The following IPO4 variants were observed in gnomAD, a reference collection of about 807,000 sequenced individuals.
The protein encoded by IPO4 is importin 4.
Under a neutral mutation model 133.5 loss-of-function variants are expected in IPO4, and 91 were observed. The ratio of observed to expected loss-of-function variants is 0.68; its 90% CI spans 0.58 to 0.81. IPO4 has a LOEUF of 0.81. Among genes scored for constraint, IPO4 ranks in the 30% least tolerant of loss-of-function variants. IPO4 has a pLI of 0.00. For missense variants in IPO4, 1,279 were observed against 1,386.2 expected, an observed-to-expected ratio of 0.92 and a Z score of 1.23; for synonymous variants, 607 against 581.6, an observed-to-expected ratio of 1.04 and a Z score of -0.63.
At chr14:24,183,410 C>T (rs1371898063) in intron 21 of IPO4, 46 bp downstream of exon 21, 1 of 1,594,566 alleles carries the variant, frequency 6.3e-7, no homozygotes, top group Non-Finnish European at 8.6e-7. Flanking sequence ...GAACACAGGG[C>T]CCCCAGCCTG....
Position 24,181,563 on chromosome 14 carries a change from C to T in IPO4, c.2995G>A (p.Val999Ile), listed in dbSNP as rs1210737863. 6.2e-7 allele frequency: 1 copy of T among 1,607,054 alleles called. No individual in the cohort carries two copies. The highest frequency in any genetic ancestry group is 8.5e-7 in the Non-Finnish European group (1 of 1,176,800). Residue 999 changes from valine to isoleucine, a missense_variant, in exon 28 of 30, where the codon GTC becomes ATC. Around this residue, in one of 3 missense-constraint regions of IPO4, gnomAD observed 575 missense variants for 653.4 expected, o/e 0.88. Coordinates refer to ENST00000354464, the MANE Select transcript of IPO4 (RefSeq NM_024658.4). ...LPLKEDLEEW[V>I]TIGRLFSFLY... ...AAGCTGAAGAGGCGCCCAATGGTGA[C>T]CCACTCCTCCAAGTCCTCCTTCAGT... is the stretch of plus-strand genomic sequence containing the variant.
intron 12 of IPO4, 120 bp downstream of exon 12, chr14:24,185,741 G>A (rs2039210714): frequency 3.1e-6 from 3 of 960,526 alleles, no homozygotes; most frequent in Admixed American, 2.0e-5. Context: ...TCCAAGCCAG[G>A]ACACTTTTGA....
At chr14:24,188,128 C>G in intron 4 of IPO4, 88 bp downstream of exon 4, 1 of 1,361,084 alleles carries the variant, frequency 7.3e-7, no homozygotes, top group Non-Finnish European at 1.0e-6. Flanking sequence ...GAAGTCCCTG[C>G]CCCACAAGTC....
chr14:24,186,084 G>A (rs2039218200), intron 11 of IPO4, 45 bp downstream of exon 11: 7 of 1,609,304 alleles, frequency 4.3e-6, no homozygotes, highest in Non-Finnish European at 6.0e-6. Context: ...GGGGGACTAG[G>A]CACACTTGGA....
In IPO4 at chr14:24,188,715, G is replaced by T. The variant is rs1185859810; in HGVS notation, c.69+4C>A. ...GCCCTGGCCCGGTTACGCCTGCTCC[G>T]TACCCGACGGATGCGCTCGGTGTCC... On this transcript the variant is annotated splice_donor_region_variant and intron_variant, in intron 1 of 29. Transcript: ENST00000354464. 6.3e-7 allele frequency: 1 copy of T among 1,576,390 alleles called. No individual in the cohort carries two copies. The highest frequency in any genetic ancestry group is 2.3e-5 in the East Asian group (1 of 44,186).
rs1020027040 is a variant in IPO4 at position 24,183,391 on chromosome 14, G to A, written c.2122-36C>T. The stretch of plus-strand genomic sequence containing the variant: ...AGGAGGGGCGGGATATGTCTGCTAT[G>A]TGCACCGTGAACACAGGGCCCCCAG... On this transcript the variant is annotated intron_variant, in intron 21 of 29. Coordinates refer to ENST00000354464, the MANE Select transcript of IPO4 (RefSeq NM_024658.4). The A allele has an allele frequency of 1.9e-6, 3 of 1,594,158 alleles. No homozygotes were observed. In the African/African-American group the frequency reaches 4.0e-5, roughly 21 times the overall value.
Position 24,184,784 on chromosome 14 carries a change from A to G in IPO4, c.1523-21T>C. 1.9e-6 allele frequency: 3 copies of G among 1,608,732 alleles called. No individual in the cohort carries two copies. The South Asian group carries it at 3.3e-5, about 18-fold the overall frequency. ...CGTAGCTGCAGGATGGAAGGACAGA[A>G]TCAGAGCTGGAGAGGGCAGGGACCA... On this transcript the variant is annotated intron_variant, in intron 15 of 29. Coordinates refer to ENST00000354464, the MANE Select transcript of IPO4 (RefSeq NM_024658.4).
In IPO4 at chr14:24,185,005, C is replaced by T. The variant is rs537485593; in HGVS notation, c.1409-25G>A. 2.5e-6 allele frequency: 4 copies of T among 1,608,570 alleles called. No homozygotes were observed. In the South Asian group the frequency reaches 4.4e-5, roughly 18 times the overall value. ...CCTGTGGGAAAGGATGCTCCTCTAC[C>T]AACCAACCCAGGTCTGCTACCTGCA... On this transcript the variant is annotated intron_variant, in intron 14 of 29. Coordinates refer to ENST00000354464, the MANE Select transcript of IPO4 (RefSeq NM_024658.4).
At chr14:24,187,002 G>A in intron 7 of IPO4, 23 bp from the exon 8 acceptor site, 2 of 1,613,110 alleles carry the variant, frequency 1.2e-6, no homozygotes, top group Non-Finnish European at 8.5e-7. Context: ...CAAGGCACAA[G>A]GTTACCATGC....
rs1446575982 is a variant in IPO4, at chr14:24,188,272, G to A, written c.237-15C>T. The A allele has an allele frequency of 1.2e-6, 2 of 1,613,298 alleles. No homozygotes were observed. Among genetic ancestry groups the A allele is most frequent in the South Asian group, 2.2e-5 (2 of 90,918 alleles). On this transcript the variant is annotated splice_polypyrimidine_tract_variant and intron_variant, in intron 3 of 29. Transcript: ENST00000354464. The stretch of plus-strand genomic sequence containing the variant: ...GGGACTTGAGGCTGGAACACAGGTG[G>A]CAGGTGTTTGGTACCCAGCCTGCCC...
At chr14:24,188,036 G>A in intron 4 of IPO4, 180 bp downstream of exon 4, 1 of 784,684 alleles carries the variant, frequency 1.3e-6, no homozygotes, top group Non-Finnish European at 2.0e-6. Flanking sequence ...ACTTGGGTTT[G>A]GCAGATCATC....
chr14:24,187,990 G>T, intron 4 of IPO4, 194 bp from the exon 5 acceptor site: 2 of 769,900 alleles, frequency 2.6e-6, no homozygotes, highest in Non-Finnish European at 4.2e-6. Flanking sequence ...GGTAAGTTCA[G>T]TCTAACTTAG....
In IPO4 at chr14:24,183,572, G is replaced by T. The variant is rs1258185421; in HGVS notation, c.2063+18C>A. 1 of 1,614,032 alleles carries T rather than the reference G, an allele frequency of 6.2e-7. No homozygotes were observed. Among genetic ancestry groups the T allele is most frequent in the Non-Finnish European group, 8.5e-7 (1 of 1,180,004 alleles). ...CCCCAGGCAGGGTTTTCAGTGCCAGGGAAGGGCGAATGCTCACCTGGTGTT... is the reference window on the plus strand; with the variant it reads ...CCCCAGGCAGGGTTTTCAGTGCCAGTGAAGGGCGAATGCTCACCTGGTGTT... On this transcript the variant is annotated intron_variant, in intron 20 of 29. Transcript: ENST00000354464.
At chr14:24,186,608 A>G in intron 9 of IPO4, 100 bp downstream of exon 9, 1 of 1,364,360 alleles carries the variant, frequency 7.3e-7, no homozygotes, top group Non-Finnish European at 1.0e-6. Context: ...TTGAACCCCC[A>G]CAGTACTTTA....
In IPO4 at chr14:24,185,502, T is replaced by C. The variant is rs774154703; in HGVS notation, c.1235A>G (p.Asn412Ser). ...CTGGCCCAGGGCAAACAGCGCAGCA[T>C]TGCGTACAACTTGCGAGGGGTCCTC... Reference protein sequence around the residue: ...GLEDPSQVVRNAALFALGQFS... With the variant: ...GLEDPSQVVRSAALFALGQFS... The change falls in exon 13 of 30, where the codon AAT (asparagine) becomes AGT (serine). Residue 412 changes from asparagine (N) to serine (S), a missense_variant. Transcript: ENST00000354464. 1.1e-5 allele frequency: 18 copies of C among 1,614,212 alleles called. No individual in the cohort carries two copies. The South Asian group carries it at 1.2e-4, about 11-fold the overall frequency.
rs535037141 is a variant in IPO4, at chr14:24,181,794, G to A, written c.2857C>T (p.Arg953Ter). The A allele has an allele frequency of 6.3e-6, 10 of 1,599,188 alleles. No homozygotes were observed. Among genetic ancestry groups the A allele is most frequent in the South Asian group, 3.4e-5 (3 of 89,164 alleles). Residue 953 changes from arginine (R) to a stop codon, truncating the protein, a stop_gained, in exon 27 of 30, where the codon CGA becomes TGA. Coordinates refer to ENST00000354464, the MANE Select transcript of IPO4 (RefSeq NM_024658.4). LOFTEE classifies it high-confidence loss of function. The stretch of plus-strand genomic sequence containing the variant: ...ATGTTGTCACGGACACGATCATGTC[G>A]CTCCCGCGCCAGGAGGGGAAAAAGG... ...GLLFPLLARERHDRVRDNICG... is the reference protein window; with the variant it reads ...GLLFPLLARE
chr14:24,186,128 C>G lies in IPO4; in HGVS notation c.1059+1G>C. 6.2e-7 allele frequency: 1 copy of G among 1,613,866 alleles called. No homozygotes were observed. The highest frequency in any genetic ancestry group is 8.5e-7 in the Non-Finnish European group (1 of 1,179,940). Reference sequence around the variant, plus strand: ...CACCAGAAGGACAGAGCCACACTTACCAGCTGGGGACAGAGCTTCTCGGGG... The same window carrying G: ...CACCAGAAGGACAGAGCCACACTTAGCAGCTGGGGACAGAGCTTCTCGGGG... On this transcript the variant is annotated splice_donor_variant, in intron 11 of 29. Coordinates refer to ENST00000354464, the MANE Select transcript of IPO4 (RefSeq NM_024658.4). LOFTEE classifies it high-confidence loss of function.
Position 24,182,158 on chromosome 14 carries a change from C to T in IPO4, c.2604G>A (p.Gln868=), listed in dbSNP as rs1391694369. 2 of 1,614,102 alleles carry T rather than the reference C, an allele frequency of 1.2e-6. No individual in the cohort carries two copies. The highest frequency in any genetic ancestry group is 2.2e-5 in the South Asian group (2 of 91,082). ...FLPLLVCKTK[Q]GCTVAEKSFA... ...AGGACTTCTCTGCCACTGTGCAGCC[C>T]TGTTTCTGATGGGGGAGAACAGGAA... The change falls in exon 26 of 30, where the codon CAG becomes CAA. Residue 868 remains glutamine (Q), a synonymous_variant. Transcript: ENST00000354464.
At chr14:24,180,629 T>A (rs2273911) in intron 29 of IPO4, 57 bp from the exon 30 acceptor site, 1 of 1,611,456 alleles carries the variant, frequency 6.2e-7, no homozygotes, top group Non-Finnish European at 8.5e-7. Context: ...TGCCCCAGGC[T>A]CTCTGAGCCC....
Sources: gnomAD v4.1 joint callset for allele counts on GRCh38, gnomAD v4.1.1 for gene constraint, gnomAD v4.1.1 regional missense constraint, MANE v1.5 for transcripts, NCBI Gene and HGNC (gene_info 2026-07-23, HGNC 2026-07-21) for gene names.